LRIG3: variants seen among roughly 807,000 people sequenced by gnomAD.
LRIG3 encodes leucine-rich repeats and immunoglobulin-like domains protein 3.
In LRIG3, 76 loss-of-function variants were observed where a neutral mutation model predicts 114.5. The ratio of observed to expected loss-of-function variants is 0.66; its 90% CI spans 0.55 to 0.80. LRIG3 has a LOEUF of 0.80. Ranked by LOEUF, LRIG3 falls within the 30% of genes least tolerant of loss-of-function variation. LRIG3 has a pLI of 0.00. For missense variants in LRIG3, 1,239 were observed against 1,382.8 expected, an observed-to-expected ratio of 0.90 and a Z score of 1.65; for synonymous variants, 512 against 519.8, an observed-to-expected ratio of 0.98 and a Z score of 0.20.
chr12:58,913,154 C>CCT (rs1262601462), intron 3 of LRIG3, among the ~76,000 whole-genome samples: 2 of 152,320 alleles, frequency 1.3e-5, no homozygotes, highest in African/African-American at 4.8e-5. Context: ...CCTCCCAACA[C>CCT]CTCTCTCAGA....
chr12:58,887,417 C>T (rs1871311680), intron 8 of LRIG3, among the ~76,000 whole-genome samples: 1 of 152,176 alleles, frequency 6.6e-6, no homozygotes, highest in Non-Finnish European at 1.5e-5. Context: ...ATATAACTGG[C>T]ATGATAAACA....
At chr12:58,884,088 A>G (rs184321393) in intron 10 of LRIG3, among the ~76,000 whole-genome samples, 1 of 152,342 alleles carries the variant, frequency 6.6e-6, no homozygotes, top group East Asian at 1.9e-4. Context: ...GCTCAGCACG[A>G]AAGGGGAAGG....
chr12:58,887,006 C>T (rs903798150), intron 8 of LRIG3, 116 bp from the exon 9 acceptor site: 3 of 656,870 alleles, frequency 4.6e-6, no homozygotes, highest in East Asian at 2.8e-5. Context: ...TTATCTCCAC[C>T]TCTCTCAAAA....
intron 3 of LRIG3, among the ~76,000 whole-genome samples, chr12:58,904,417 C>G (rs188922418): frequency 6.6e-6 from 1 of 152,282 alleles, no homozygotes; most frequent in Admixed American, 6.5e-5. Flanking sequence ...TTGGTAGAAG[C>G]TGTACCTGAT....
At chr12:58,880,930 AC>A in intron 12 of LRIG3, 29 bp from the exon 13 acceptor site, 1 of 1,594,152 alleles carries the variant, frequency 6.3e-7, no homozygotes, top group Non-Finnish European at 8.6e-7. Flanking sequence ...AGGAGACAAA[AC>A]AATGTTAAGG....
chr12:58,920,307 C>A lies in LRIG3; in HGVS notation c.-72G>T. The A allele has an allele frequency of 8.4e-7, 1 of 1,188,208 alleles. No individual in the cohort carries two copies. The highest frequency in any genetic ancestry group is 3.2e-5 in the East Asian group (1 of 30,876). The allele number at this position is 1,188,208 out of a possible 1,614,324, so 73.6% of individuals were successfully genotyped here. ...GCGCTCGGGGCCCGGCACAAACTTC[C>A]AGCCGAGGGTGCACGCCCGCCCTCG... On this transcript the variant is annotated 5_prime_UTR_variant, in exon 1 of 19. Coordinates refer to ENST00000320743, the MANE Select transcript of LRIG3 (RefSeq NM_153377.5).
intron 1 of LRIG3, among the ~76,000 whole-genome samples, chr12:58,916,040 T>C (rs1872471521): frequency 6.6e-6 from 1 of 152,212 alleles, no homozygotes; most frequent in Non-Finnish European, 1.5e-5. Flanking sequence ...GGCATTAATA[T>C]TTAACACAGG....
intron 3 of LRIG3, among the ~76,000 whole-genome samples, chr12:58,892,733 A>C (rs1871497712): frequency 2.0e-5 from 3 of 152,244 alleles, no homozygotes; most frequent in Non-Finnish European, 4.4e-5. Context: ...CCCTTTAATC[A>C]TAATAAAATT....
chr12:58,899,511 C>A (rs1258801537), intron 3 of LRIG3, among the ~76,000 whole-genome samples: 1 of 151,894 alleles, frequency 6.6e-6, no homozygotes, highest in African/African-American at 2.4e-5. Context: ...GTGTCTGGTA[C>A]TGTATTTTTA....
In LRIG3 at chr12:58,888,375, T is replaced by C. The variant is rs112062330; in HGVS notation, c.901A>G (p.Arg301Gly). The change falls in exon 7 of 19, where the codon AGG (arginine) becomes GGG (glycine). Residue 301 changes from arginine to glycine, a missense_variant. Transcript: ENST00000320743. The stretch of plus-strand genomic sequence containing the variant: ...AACTCCCAGGCATCAGGGCTGATCC[T>C]GTTGATGGCATTTTGGCTGAGATGA... Reference protein sequence around the residue: ...ELHLSQNAINRISPDAWEFCQ... With the variant: ...ELHLSQNAINGISPDAWEFCQ... 1.2e-6 allele frequency: 2 copies of C among 1,613,774 alleles called. No individual in the cohort carries two copies. The highest frequency in any genetic ancestry group is 1.1e-5 in the South Asian group (1 of 91,074).
rs943320232 is a variant in LRIG3, at chr12:58,914,069, A to C, written c.309-13T>G. 1.4e-6 allele frequency: 2 copies of C among 1,464,852 alleles called. No individual in the cohort carries two copies. The highest frequency in any genetic ancestry group is 4.0e-5 in the African/African-American group (2 of 49,848). The allele number at this position is 1,464,852 out of a possible 1,614,324, so 90.7% of individuals were successfully genotyped here. On this transcript the variant is annotated splice_polypyrimidine_tract_variant and intron_variant, in intron 2 of 18. Coordinates refer to ENST00000320743, the MANE Select transcript of LRIG3 (RefSeq NM_153377.5). The stretch of plus-strand genomic sequence containing the variant: ...GTTGTTCAGTTTCCTACAAATGCCA[A>C]AAAAAAAAAGAAAAAGAAAAGCTGA...
intron 3 of LRIG3, among the ~76,000 whole-genome samples, chr12:58,912,627 C>T (rs1023573121): frequency 2.0e-5 from 3 of 152,230 alleles, no homozygotes; most frequent in Non-Finnish European, 4.4e-5. Context: ...TACAAAACTG[C>T]ACTGCAGATC....
At position 58,874,130 on chromosome 12, in the gene LRIG3, A is replaced by C; in HGVS notation, c.3040T>G (p.Cys1014Gly). Residue 1014 changes from cysteine to glycine, a missense_variant, in exon 18 of 19, where the codon TGT becomes GGT. Physicochemically the swap from Cys to Gly is radical, Grantham distance 159. Transcript: ENST00000320743. Reference protein sequence around the residue: ...HNEGPGMKNLCLNKSSLDFSA... With the variant: ...HNEGPGMKNLGLNKSSLDFSA... ...AAATCTAAAGAGGACTTGTTTAGAC[A>C]CAGATTTTTCATTCCAGGTCCTTCA... The C allele has an allele frequency of 1.2e-6, 2 of 1,614,222 alleles. No individual in the cohort carries two copies. The highest frequency in any genetic ancestry group is 1.7e-6 in the Non-Finnish European group (2 of 1,180,036).
At chr12:58,912,495 C>CA (rs201463898) in intron 3 of LRIG3, among the ~76,000 whole-genome samples, 1,869 of 144,338 alleles carry the variant, frequency 0.013, 40 homozygotes, top group African/African-American at 0.042. Flanking sequence ...GACTCTGTCT[C>CA]AAAAAAAAAA....
chr12:58,878,797 C>G, intron 14 of LRIG3, 27 bp downstream of exon 14: 3 of 1,599,414 alleles, frequency 1.9e-6, no homozygotes, highest in Non-Finnish European at 2.6e-6. Flanking sequence ...CTGATTTATA[C>G]TACAGAATCT....
intron 7 of LRIG3, 130 bp from the exon 8 acceptor site, chr12:58,888,062 A>G (rs1264430827): frequency 5.9e-6 from 5 of 845,580 alleles, no homozygotes; most frequent in Non-Finnish European, 1.8e-6. Flanking sequence ...ATAATATCCA[A>G]GTAAATATTT....
intron 1 of LRIG3, among the ~76,000 whole-genome samples, chr12:58,916,217 A>C (rs1400093182): frequency 6.6e-6 from 1 of 152,228 alleles, no homozygotes; most frequent in Non-Finnish European, 1.5e-5. Flanking sequence ...GTAAAAAATA[A>C]GAAACTCCCT....
intron 14 of LRIG3, 71 bp downstream of exon 14, chr12:58,878,753 C>G (rs948072540): frequency 1.1e-5 from 16 of 1,519,868 alleles, no homozygotes; most frequent in Non-Finnish European, 1.4e-5. Flanking sequence ...ACTTCTGATA[C>G]TTAGGGACCT....
In LRIG3 at chr12:58,895,790, T is replaced by C. The variant is rs116348111; in HGVS notation, c.384-4994A>G. 5.0e-3 allele frequency among the ~76,000 whole-genome samples: 766 copies of C among 152,300 alleles called. 9 individuals are homozygous for C. Among genetic ancestry groups the C allele is most frequent in the African/African-American group, 0.017 (721 of 41,560 alleles). On this transcript the variant is annotated intron_variant, in intron 3 of 18. Transcript: ENST00000320743. ...CACCAATCGGAGGCTCCTAACTTCA[T>C]GCAGGACAGACGACAGAAGGATGAC... is the stretch of plus-strand genomic sequence containing the variant.
Sources: gnomAD v4.1 joint callset for allele counts (sites outside exome capture counted in the v4.1 genomes callset) on GRCh38, gnomAD v4.1.1 for gene constraint, MANE v1.5 for transcripts, NCBI Gene and HGNC (gene_info 2026-07-23, HGNC 2026-07-21) for gene names.